The following ALG14 variants were observed in gnomAD, a reference collection of about 807,000 sequenced individuals.
The protein encoded by ALG14 is ALG14 UDP-N-acetylglucosaminyltransferase subunit, also known as UDP-N-acetylglucosamine transferase subunit ALG14.
In ALG14, 17 loss-of-function variants were observed where a neutral mutation model predicts 22.8. The ratio of observed to expected loss-of-function variants is 0.75; its 90% confidence interval spans 0.51 to 1.12. The LOEUF (loss-of-function observed/expected upper bound fraction) is 1.12. Among genes scored for constraint, ALG14 ranks in the 50% most tolerant of loss-of-function variants. The pLI is 0.00. For missense variants in ALG14, 288 were observed against 271.8 expected (o/e 1.06, Z -0.42); for synonymous variants, 89 against 103.7 (o/e 0.86, Z 0.86).
At chr1:95,068,407 C>T (rs1036551259) in intron 1 of ALG14, among the ~76,000 whole-genome samples, 1 of 152,158 alleles carries the variant, frequency 6.6e-6, no homozygotes, top group Non-Finnish European at 1.5e-5. Flanking sequence ...CTGCCTCAGC[C>T]TCCTGAGTAG....
intron 3 of ALG14, among the ~76,000 whole-genome samples, chr1:94,996,504 T>C (rs1330141761): frequency 6.6e-6 from 1 of 152,124 alleles, no homozygotes; most frequent in Non-Finnish European, 1.5e-5. Flanking sequence ...GGCTTTTCAG[T>C]GAGCCTGAGG....
chr1:95,022,210 A>T, intron 3 of ALG14: 2 of 610,300 alleles, frequency 3.3e-6, no homozygotes, highest in Non-Finnish European at 4.1e-6. Context: ...AACTGCTAAT[A>T]TGCAGCCTAA....
chr1:95,011,164 A>G (rs1673349142), intron 3 of ALG14, among the ~76,000 whole-genome samples: 1 of 152,136 alleles, frequency 6.6e-6, no homozygotes, highest in African/African-American at 2.4e-5. Context: ...TCATCCTTGA[A>G]ATCCTCACCT....
intron 3 of ALG14, among the ~76,000 whole-genome samples, chr1:95,018,517 C>G (rs1010169079): frequency 6.6e-6 from 1 of 151,392 alleles, no homozygotes; most frequent in Non-Finnish European, 1.5e-5. Context: ...GCCTGGGTGA[C>G]AGAGCAAGAT....
chr1:94,989,964 G>A (rs1333405297), intron 3 of ALG14, among the ~76,000 whole-genome samples: 1 of 152,218 alleles, frequency 6.6e-6, no homozygotes, highest in Non-Finnish European at 1.5e-5. Context: ...AGGGCTAAAA[G>A]CACTGGACCA....
At chr1:95,047,310 T>G (rs1239544395) in intron 2 of ALG14, among the ~76,000 whole-genome samples, 1 of 152,170 alleles carries the variant, frequency 6.6e-6, no homozygotes, top group Non-Finnish European at 1.5e-5. Flanking sequence ...GGAACTGGGA[T>G]AGTGACAGGA....
chr1:95,060,506 G>T (rs1675107948), intron 2 of ALG14, among the ~76,000 whole-genome samples: 3 of 151,708 alleles, frequency 2.0e-5, no homozygotes, highest in Admixed American at 2.0e-4. Context: ...CACGAGGTCA[G>T]GAGATCGAGA....
chr1:94,985,972 T>C (rs1454317639), intron 3 of ALG14, among the ~76,000 whole-genome samples: 3 of 152,166 alleles, frequency 2.0e-5, no homozygotes, highest in Non-Finnish European at 4.4e-5. Flanking sequence ...TTTTACCTCT[T>C]TTTGCAGCAG....
At chr1:95,052,461 T>C (rs142750930) in intron 2 of ALG14, among the ~76,000 whole-genome samples, 1 of 152,108 alleles carries the variant, frequency 6.6e-6, no homozygotes, top group African/African-American at 2.4e-5. Context: ...ACAGCAAGAA[T>C]GAGAAAAAAA....
chr1:95,015,624 G>A (rs1342888), intron 3 of ALG14, among the ~76,000 whole-genome samples: 152,338 of 152,338 alleles, frequency 1, 76,169 homozygotes, highest in Non-Finnish European at 1. Flanking sequence ...TGAGAGGGGC[G>A]GGTTTGGACG....
At chr1:95,035,965 A>C (rs181681017) in intron 2 of ALG14, 1 of 152,352 alleles carries the variant, frequency 6.6e-6, no homozygotes, top group Non-Finnish European at 1.5e-5. Flanking sequence ...ATTTAAAAAT[A>C]ATGCAATGTA....
chr1:95,041,301 C>T (rs915025071), intron 2 of ALG14, among the ~76,000 whole-genome samples: 10 of 152,062 alleles, frequency 6.6e-5, no homozygotes, highest in African/African-American at 2.2e-4. Flanking sequence ...TATGTTAAGC[C>T]ACCAGTTGTA....
intron 3 of ALG14, among the ~76,000 whole-genome samples, chr1:95,016,412 T>A (rs1230897425): frequency 2.0e-5 from 3 of 152,236 alleles, no homozygotes; most frequent in Non-Finnish European, 4.4e-5. Flanking sequence ...TTTGTAATTC[T>A]AAGTGTACAA....
chr1:95,047,666 T>G (rs76694247), intron 2 of ALG14, among the ~76,000 whole-genome samples: 7,097 of 152,190 alleles, frequency 0.047, 222 homozygotes, highest in African/African-American at 0.083. Flanking sequence ...TATTTCTGTA[T>G]TGTCCAAAGT....
At chr1:94,989,810 T>C (rs1393716816) in intron 3 of ALG14, among the ~76,000 whole-genome samples, 1 of 152,232 alleles carries the variant, frequency 6.6e-6, no homozygotes, top group East Asian at 1.9e-4. Context: ...TAAATCCTTT[T>C]TCTGTTTCAA....
chr1:94,983,342 G>A (rs1392316198), intron 3 of ALG14, 36 bp from the exon 4 acceptor site: 27 of 1,568,304 alleles, frequency 1.7e-5, no homozygotes, highest in Non-Finnish European at 1.8e-5. Context: ...TGAAAATACA[G>A]AATAATAATC....
At chr1:95,040,172 A>AAAATAAAT (rs66956744) in intron 2 of ALG14, among the ~76,000 whole-genome samples, 7,433 of 143,218 alleles carry the variant, frequency 0.052, 311 homozygotes, top group African/African-American at 0.11. Flanking sequence ...ACCCTGTCTC[A>AAAATAAAT]AAATAAATAA....
intron 1 of ALG14, 52 bp from the exon 2 acceptor site, chr1:95,065,069 C>G (rs761928890): frequency 6.6e-7 from 1 of 1,526,520 alleles, no homozygotes; most frequent in Non-Finnish European, 8.9e-7. Flanking sequence ...ATGGACATAT[C>G]CATTTGACCA....
intron 2 of ALG14, among the ~76,000 whole-genome samples, chr1:95,062,503 T>A (rs1049293535): frequency 6.6e-6 from 1 of 152,060 alleles, no homozygotes. Context: ...TATGTACCCA[T>A]GTATTCTCAT....
Sources: allele counts gnomAD v4.1 joint callset (sites outside exome capture counted in the v4.1 genomes callset), GRCh38; gene constraint gnomAD v4.1.1; transcripts MANE v1.5; gene names NCBI Gene and HGNC (gene_info 2026-07-23, HGNC 2026-07-21).